The following GPC5 variants were observed in gnomAD, a reference collection of about 807,000 sequenced individuals.
GPC5 encodes glypican 5.
In GPC5, 47 loss-of-function variants were observed where a neutral mutation model predicts 53.9. The observed-to-expected ratio is 0.87, with a 90% confidence interval of 0.69 to 1.11. The LOEUF (loss-of-function observed/expected upper bound fraction) is 1.11. Ranked by LOEUF, GPC5 falls within the 50% of genes most tolerant of loss-of-function variation. The pLI, the probability that GPC5 is intolerant of heterozygous loss-of-function variation, is 0.00. For missense variants in GPC5, 748 were observed against 713.1 expected, an observed-to-expected ratio of 1.05 and a Z score of -0.56; for synonymous variants, 286 against 263.3, an observed-to-expected ratio of 1.09 and a Z score of -0.84.
chr13:92,402,230 G>A (rs577400036), intron 7 of GPC5, among the ~76,000 whole-genome samples: 34 of 152,096 alleles, frequency 2.2e-4, no homozygotes, highest in Middle Eastern at 3.4e-3. Flanking sequence ...GAGATCAACC[G>A]TCACTTATTA....
intron 7 of GPC5, among the ~76,000 whole-genome samples, chr13:92,812,999 A>C (rs1484776283): frequency 2.0e-5 from 3 of 151,978 alleles, no homozygotes; most frequent in Non-Finnish European, 4.4e-5. Flanking sequence ...TTATAAAATG[A>C]AGTGTATTTT....
intron 5 of GPC5, among the ~76,000 whole-genome samples, chr13:91,842,472 A>G (rs12861701): frequency 4.0e-5 from 6 of 148,634 alleles, no homozygotes; most frequent in African/African-American, 1.0e-4. Flanking sequence ...GGAGGCCGAG[A>G]CGGGCGGATC....
intron 7 of GPC5, among the ~76,000 whole-genome samples, chr13:92,355,407 G>C (rs897906951): frequency 6.6e-6 from 1 of 151,924 alleles, no homozygotes; most frequent in African/African-American, 2.4e-5. Context: ...TGGCTTTATC[G>C]CCCTTGTCTT....
chr13:92,464,526 C>T, intron 7 of GPC5, among the ~76,000 whole-genome samples: 1 of 152,034 alleles, frequency 6.6e-6, no homozygotes. Context: ...TCAATGAATG[C>T]ACACTGACTG....
intron 2 of GPC5, among the ~76,000 whole-genome samples, chr13:91,478,881 T>TTATATATATATATATATATATACACACA (rs71113743): frequency 4.4e-5 from 3 of 67,508 alleles, no homozygotes; most frequent in African/African-American, 2.0e-4. Flanking sequence ...TATATACACA[T>TTATATATATATATATATATATACACACA]TATATATATA....
intron 7 of GPC5, among the ~76,000 whole-genome samples, chr13:92,189,026 T>A (rs1163791436): frequency 6.6e-6 from 1 of 152,090 alleles, no homozygotes; most frequent in Non-Finnish European, 1.5e-5. Context: ...AGGGGGAGGA[T>A]AACCTGATGG....
chr13:92,723,068 A>G (rs1888547488), intron 7 of GPC5, among the ~76,000 whole-genome samples: 1 of 151,748 alleles, frequency 6.6e-6, no homozygotes, highest in East Asian at 1.9e-4. Context: ...AACATTTGTT[A>G]ATAATATAGC....
intron 7 of GPC5, among the ~76,000 whole-genome samples, chr13:92,699,666 T>C (rs1887666426): frequency 6.6e-6 from 1 of 152,244 alleles, no homozygotes; most frequent in Admixed American, 6.5e-5. Flanking sequence ...TCTTTATTTC[T>C]GCCTTCATTT....
At chr13:91,674,746 T>C (rs901306241) in intron 2 of GPC5, among the ~76,000 whole-genome samples, 3 of 150,294 alleles carry the variant, frequency 2.0e-5, no homozygotes, top group African/African-American at 7.3e-5. Context: ...ACTGAACATT[T>C]GGAGGTAGTT....
chr13:91,469,442 T>G (rs1049079030), intron 2 of GPC5, among the ~76,000 whole-genome samples: 7 of 151,952 alleles, frequency 4.6e-5, no homozygotes, highest in South Asian at 2.1e-4. Context: ...TCTTTTTTTT[T>G]GGGTAAAGAC....
chr13:92,069,007 T>C (rs1333835021), intron 6 of GPC5, among the ~76,000 whole-genome samples: 2 of 152,042 alleles, frequency 1.3e-5, no homozygotes, highest in Admixed American at 1.3e-4. Context: ...TTTTTACTTC[T>C]AGATCTTACA....
At chr13:92,806,755 G>A (rs141709953) in intron 7 of GPC5, among the ~76,000 whole-genome samples, 141 of 152,126 alleles carry the variant, frequency 9.3e-4, no homozygotes, top group South Asian at 1.2e-3. Flanking sequence ...TGTCTTATGT[G>A]GGTGCAGTTC....
intron 7 of GPC5, among the ~76,000 whole-genome samples, chr13:92,826,189 A>G (rs1045157112): frequency 1.3e-5 from 2 of 152,084 alleles, no homozygotes; most frequent in East Asian, 3.9e-4. Flanking sequence ...GATATTTTGC[A>G]TAGGTAGTTC....
At chr13:92,482,434 T>C (rs1345648796) in intron 7 of GPC5, among the ~76,000 whole-genome samples, 3 of 152,202 alleles carry the variant, frequency 2.0e-5, no homozygotes, top group African/African-American at 7.2e-5. Flanking sequence ...TTCTCTGCTT[T>C]TTATACTACC....
intron 7 of GPC5, among the ~76,000 whole-genome samples, chr13:92,719,216 A>G (rs1430962716): frequency 6.7e-6 from 1 of 150,200 alleles, no homozygotes; most frequent in Admixed American, 6.7e-5. Context: ...GTATAAGCTT[A>G]TCTGATTCCC....
intron 6 of GPC5, among the ~76,000 whole-genome samples, chr13:91,939,418 T>C (rs1594675726): frequency 6.6e-6 from 1 of 152,282 alleles, no homozygotes. Context: ...AGAACTCTAA[T>C]CTCTAGGTTG....
chr13:92,047,926 G>T (rs2040996503), intron 6 of GPC5, among the ~76,000 whole-genome samples: 3 of 151,894 alleles, frequency 2.0e-5, no homozygotes, highest in Admixed American at 6.6e-5. Context: ...GGAAGGCAGA[G>T]GTTGGAGTGA....
chr13:92,360,853 T>C (rs370568141), intron 7 of GPC5, among the ~76,000 whole-genome samples: 10 of 151,806 alleles, frequency 6.6e-5, no homozygotes, highest in African/African-American at 2.4e-4. Flanking sequence ...TCTGACCCAG[T>C]AGATAATTAG....
intron 7 of GPC5, among the ~76,000 whole-genome samples, chr13:92,856,943 C>A (rs1209479273): frequency 6.6e-6 from 1 of 151,818 alleles, no homozygotes; most frequent in Non-Finnish European, 1.5e-5. Context: ...TATCAAATGA[C>A]CAATGTCATT....
Sources: allele counts gnomAD v4.1 joint callset (sites outside exome capture counted in the v4.1 genomes callset), GRCh38; gene constraint gnomAD v4.1.1; transcripts MANE v1.5; gene names NCBI Gene and HGNC (gene_info 2026-07-23, HGNC 2026-07-21).